The following MAP3K4 variants were observed in gnomAD, a reference collection of about 807,000 sequenced individuals.
MAP3K4 encodes MAP three kinase 1.
MAP3K4 carries 67 observed loss-of-function variants against 185.6 expected under a neutral mutation model. The ratio of observed to expected loss-of-function variants is 0.36; its 90% CI spans 0.30 to 0.44. The LOEUF is 0.44. MAP3K4 is among the 20% of genes least tolerant of loss of function. MAP3K4 has a pLI of 1.00. For missense variants in MAP3K4, 1,551 were observed against 1,995.1 expected (o/e 0.78, Z 4.24); for synonymous variants, 702 against 710.4 (o/e 0.99, Z 0.19).
intron 5 of MAP3K4, among the ~76,000 whole-genome samples, chr6:161,079,008 G>A (rs1486222439): frequency 1.3e-5 from 2 of 152,122 alleles, no homozygotes; most frequent in African/African-American, 4.8e-5. Flanking sequence ...GATGTCAGGA[G>A]TTCGAGACCA....
rs1777332147 is a variant in MAP3K4, at chr6:161,091,990, T to C, written c.3136-20T>C. On this transcript the variant is annotated intron_variant, in intron 12 of 26. Transcript: ENST00000392142. This position sits in a 1 kb window ranked among gnomAD's most constrained non-coding sequence, Gnocchi z 5.5. ...AATGATCATTTCCTTAATGTTGATATACATGAAATCTTCTTACAGTATCAT... is the reference window on the plus strand; with the variant it reads ...AATGATCATTTCCTTAATGTTGATACACATGAAATCTTCTTACAGTATCAT... The C allele has an allele frequency of 1.1e-5, 18 of 1,595,852 alleles. No individual in the cohort carries two copies. Among genetic ancestry groups the C allele is most frequent in the Non-Finnish European group, 1.5e-5 (17 of 1,163,672 alleles).
chr6:161,024,489 C>T (rs573327993), intron 1 of MAP3K4, among the ~76,000 whole-genome samples: 1 of 152,318 alleles, frequency 6.6e-6, no homozygotes, highest in Admixed American at 6.5e-5. Context: ...AGATCCCATC[C>T]AGGGACCACA....
In MAP3K4 at chr6:161,075,861, G is replaced by A. The variant is rs1234762321; in HGVS notation, c.2097+2249G>A. On this transcript the variant is annotated intron_variant, in intron 5 of 26. Coordinates refer to ENST00000392142, the MANE Select transcript of MAP3K4 (RefSeq NM_005922.4). The surrounding 1 kb of genome is among the most constrained non-coding windows in gnomAD (Gnocchi z 4.3). ...GAGACTGTCAGTGTTTTAAAATTATGGCCTATAATGTGCTAGAAGGATCAG... is the reference window on the plus strand; with the variant it reads ...GAGACTGTCAGTGTTTTAAAATTATAGCCTATAATGTGCTAGAAGGATCAG... Among the ~76,000 whole-genome samples, 1 of 152,130 alleles carries A rather than the reference G, an allele frequency of 6.6e-6. No homozygotes were observed. Among genetic ancestry groups the A allele is most frequent in the Admixed American group, 6.5e-5 (1 of 15,282 alleles).
intron 1 of MAP3K4, among the ~76,000 whole-genome samples, chr6:161,005,209 G>A (rs1368594715): frequency 6.6e-6 from 1 of 151,394 alleles, no homozygotes; most frequent in African/African-American, 2.4e-5. Flanking sequence ...TACCATCATG[G>A]CTCACTGCAG....
rs1313800904 is a variant in MAP3K4, at chr6:161,063,324, T to G, written c.1708-7284T>G. Among the ~76,000 whole-genome samples, 1 of 152,214 alleles carries G rather than the reference T, an allele frequency of 6.6e-6. No individual in the cohort carries two copies. Among genetic ancestry groups the G allele is most frequent in the Non-Finnish European group, 1.5e-5 (1 of 68,040 alleles). On this transcript the variant is annotated intron_variant, in intron 3 of 26. Coordinates refer to ENST00000392142, the MANE Select transcript of MAP3K4 (RefSeq NM_005922.4). The surrounding 1 kb of genome is among the most constrained non-coding windows in gnomAD (Gnocchi z 5.4). The stretch of plus-strand genomic sequence containing the variant: ...CATCTGCTTAGTGGACATATCTTTC[T>G]GGCAAGCGCTCACTGTCTGGAGGGT...
At chr6:161,001,754 CCT>C (rs1341297655) in intron 1 of MAP3K4, among the ~76,000 whole-genome samples, 2 of 152,074 alleles carry the variant, frequency 1.3e-5, no homozygotes, top group African/African-American at 4.8e-5. Context: ...AGTAATTTAG[CCT>C]CTCTCAGTCT....
intron 2 of MAP3K4, among the ~76,000 whole-genome samples, chr6:161,035,053 C>T (rs1433041767): frequency 6.6e-6 from 1 of 152,072 alleles, no homozygotes; most frequent in Non-Finnish European, 1.5e-5. Context: ...TTTTCTTTCC[C>T]CCCAACCTCC....
rs1231996282 is a variant in MAP3K4, at chr6:161,051,243, A to G, written c.1707+1264A>G. On this transcript the variant is annotated intron_variant, in intron 3 of 26. Transcript: ENST00000392142. This position sits in a 1 kb window ranked among gnomAD's most constrained non-coding sequence, Gnocchi z 4.2. ...TATACTTGTTATTTTTATTTTTTTA[A>G]CTTCATTTTTTTTTTACACAGCCTG... is the stretch of plus-strand genomic sequence containing the variant. Among the ~76,000 whole-genome samples the G allele has an allele frequency of 6.6e-6, 1 of 152,090 alleles. No homozygotes were observed. Among genetic ancestry groups the G allele is most frequent in the Non-Finnish European group, 1.5e-5 (1 of 67,990 alleles).
chr6:161,053,634 TA>T lies in MAP3K4; in HGVS notation c.1707+3656del, dbSNP rs1784102202. On this transcript the variant is annotated intron_variant, in intron 3 of 26. Coordinates refer to ENST00000392142, the MANE Select transcript of MAP3K4 (RefSeq NM_005922.4). This position sits in a 1 kb window ranked among gnomAD's most constrained non-coding sequence, Gnocchi z 4.2. ...TGAGACAAAGTCTCATTCTGTTTCCTAGGCTGGAGTGTAATGGGAAGATCTC... is the reference window on the plus strand; with the variant it reads ...TGAGACAAAGTCTCATTCTGTTTCCTGGCTGGAGTGTAATGGGAAGATCTC... Among the ~76,000 whole-genome samples, 3 of 152,196 alleles carry T rather than the reference TA, an allele frequency of 2.0e-5. No individual in the cohort carries two copies. The South Asian group carries it at 6.2e-4, about 31-fold the overall frequency.
chr6:161,114,493 A>G lies in MAP3K4; in HGVS notation c.4627-630A>G, dbSNP rs1778505600. Among the ~76,000 whole-genome samples, 1 of 152,250 alleles carries G rather than the reference A, an allele frequency of 6.6e-6. No homozygotes were observed. The highest frequency in any genetic ancestry group is 2.1e-4 in the South Asian group (1 of 4,836). ...CTAGCATTATTTCTATTAGCATTAAAATAGAAAGGCAGTTGTGATATCTGT... is the reference window on the plus strand; with the variant it reads ...CTAGCATTATTTCTATTAGCATTAAGATAGAAAGGCAGTTGTGATATCTGT... On this transcript the variant is annotated intron_variant, in intron 25 of 26. Coordinates refer to ENST00000392142, the MANE Select transcript of MAP3K4 (RefSeq NM_005922.4). This position sits in a 1 kb window ranked among gnomAD's most constrained non-coding sequence, Gnocchi z 4.3.
chr6:161,104,409 C>T (rs1238665866), intron 19 of MAP3K4, among the ~76,000 whole-genome samples: 3 of 123,910 alleles, frequency 2.4e-5, no homozygotes, highest in East Asian at 2.4e-4. Context: ...AGCAAAACTC[C>T]GTTTCCAAAA....
chr6:161,000,176 A>G (rs1390560045), intron 1 of MAP3K4, among the ~76,000 whole-genome samples: 1 of 152,224 alleles, frequency 6.6e-6, no homozygotes, highest in African/African-American at 2.4e-5. Context: ...CTTGCAATAT[A>G]TGATACTCAA....
chr6:161,086,451 A>C lies in MAP3K4; in HGVS notation c.2445A>C (p.Ala815=). The C allele has an allele frequency of 6.2e-7, 1 of 1,614,098 alleles. No homozygotes were observed. Among genetic ancestry groups the C allele is most frequent in the African/African-American group, 1.3e-5 (1 of 75,056 alleles). ...AAGCCAGAGAAAGGGCTTCCAAAGC[A>C]CTTGGATTTGCTAAAATGTTGAGAA... ...FHEARERASK[A]LGFAKMLRKD... is the part of the protein sequence containing the mutation. Residue 815 remains alanine, a synonymous_variant, in exon 8 of 27, where the codon GCA becomes GCC. Coordinates refer to ENST00000392142, the MANE Select transcript of MAP3K4 (RefSeq NM_005922.4). This position sits in a 1 kb window ranked among gnomAD's most constrained non-coding sequence, Gnocchi z 4.8.
chr6:161,086,495 GATTA>G lies in MAP3K4; in HGVS notation c.2472+22_2472+25del. On this transcript the variant is annotated intron_variant, in intron 8 of 26. Transcript: ENST00000392142. This position sits in a 1 kb window ranked among gnomAD's most constrained non-coding sequence, Gnocchi z 4.8. The stretch of plus-strand genomic sequence containing the variant: ...TTGAGAAAGGTGAGCTTGCAATCCT[GATTA>G]ATTAGTACCTTTTTTCTTGTTTTTC... The G allele has an allele frequency of 6.2e-7, 1 of 1,607,960 alleles. No individual in the cohort carries two copies. Among genetic ancestry groups the G allele is most frequent in the South Asian group, 1.1e-5 (1 of 90,340 alleles).
In MAP3K4 at chr6:161,051,784, C is replaced by CT. The variant is rs1212056422; in HGVS notation, c.1707+1807dup. On this transcript the variant is annotated intron_variant, in intron 3 of 26. Coordinates refer to ENST00000392142, the MANE Select transcript of MAP3K4 (RefSeq NM_005922.4). The surrounding 1 kb of genome is among the most constrained non-coding windows in gnomAD (Gnocchi z 4.2). ...TATGCTTTAAATCATCTATAGATTA[C>CT]TTATAATACCTAATACAATGTAAAT... is the stretch of plus-strand genomic sequence containing the variant. Among the ~76,000 whole-genome samples, 1 of 152,120 alleles carries CT rather than the reference C, an allele frequency of 6.6e-6. No homozygotes were observed. Among genetic ancestry groups the CT allele is most frequent in the Non-Finnish European group, 1.5e-5 (1 of 68,024 alleles).
At position 161,048,586 on chromosome 6, in the gene MAP3K4, T is replaced by A. The variant is rs1583164899; in HGVS notation, c.344-30T>A. 2.1e-6 allele frequency: 3 copies of A among 1,414,416 alleles called. No individual in the cohort carries two copies. The highest frequency in any genetic ancestry group is 2.9e-6 in the Non-Finnish European group (3 of 1,043,188). The allele number at this position is 1,414,416 out of a possible 1,614,324, so 87.6% of individuals were successfully genotyped here. On this transcript the variant is annotated intron_variant, in intron 2 of 26. Coordinates refer to ENST00000392142, the MANE Select transcript of MAP3K4 (RefSeq NM_005922.4). This position sits in a 1 kb window ranked among gnomAD's most constrained non-coding sequence, Gnocchi z 4.7. The stretch of plus-strand genomic sequence containing the variant: ...AGTAGCTTCATATTTTAGAGTTATA[T>A]AATGTTCTGTTTATTTTTTTTTTTA...
Position 161,070,489 on chromosome 6 carries a change from A to G in MAP3K4, c.1708-119A>G. 1.4e-6 allele frequency: 1 copy of G among 722,858 alleles called. No individual in the cohort carries two copies. The highest frequency in any genetic ancestry group is 2.1e-6 in the Non-Finnish European group (1 of 465,524). The allele number at this position is 722,858 out of a possible 1,614,324, so 44.8% of individuals were successfully genotyped here. ...AATTATTAAATATTCTTTTCCCTGT[A>G]AAATTAGAATTTTTGTAGATTTGTT... On this transcript the variant is annotated intron_variant, in intron 3 of 26. Transcript: ENST00000392142. This position sits in a 1 kb window ranked among gnomAD's most constrained non-coding sequence, Gnocchi z 4.5.
chr6:161,077,836 G>A lies in MAP3K4; in HGVS notation c.2098-3045G>A, dbSNP rs1162124060. Among the ~76,000 whole-genome samples the A allele has an allele frequency of 6.6e-6, 1 of 152,054 alleles. No individual in the cohort carries two copies. Among genetic ancestry groups the A allele is most frequent in the Non-Finnish European group, 1.5e-5 (1 of 68,006 alleles). ...GCTGAGGGCATTTGAAAGCCCTCAGGCTTGACTTTGCAAACTAAGGGAAAG... is the reference window on the plus strand; with the variant it reads ...GCTGAGGGCATTTGAAAGCCCTCAGACTTGACTTTGCAAACTAAGGGAAAG... On this transcript the variant is annotated intron_variant, in intron 5 of 26. Transcript: ENST00000392142. This position sits in a 1 kb window ranked among gnomAD's most constrained non-coding sequence, Gnocchi z 4.3.
At chr6:161,068,540 G>C (rs560634420) in intron 3 of MAP3K4, among the ~76,000 whole-genome samples, 119 of 152,340 alleles carry the variant, frequency 7.8e-4, no homozygotes, top group African/African-American at 2.8e-3. Flanking sequence ...ACTTAGGGCT[G>C]TCAGTGAAGC....
Sources: allele counts gnomAD v4.1 joint callset (sites outside exome capture counted in the v4.1 genomes callset), GRCh38; gene constraint gnomAD v4.1.1; non-coding constraint Gnocchi (gnomAD v3.1); transcripts MANE v1.5; gene names NCBI Gene and HGNC (gene_info 2026-07-23, HGNC 2026-07-21).